The following TELO2 variants were observed in gnomAD, a reference collection of about 807,000 sequenced individuals.
The protein encoded by TELO2 is telomere maintenance 2.
A neutral mutation model predicts 91.0 loss-of-function variants in TELO2; 71 were observed. The observed-to-expected ratio is 0.78, with a 90% CI of 0.64 to 0.95. The LOEUF (loss-of-function observed/expected upper bound fraction) is 0.95. Among genes scored for constraint, TELO2 ranks in the 40% least tolerant of loss-of-function variants. The pLI is 0.00. For missense variants in TELO2, 1,183 were observed against 1,141.3 expected, an observed-to-expected ratio of 1.04 and a Z score of -0.53; for synonymous variants, 584 against 518.9, an observed-to-expected ratio of 1.13 and a Z score of -1.71.
At chr16:1,509,062 AT>A (rs1432094763) in intron 20 of TELO2, among the ~76,000 whole-genome samples, 5 of 138,100 alleles carry the variant, frequency 3.6e-5, no homozygotes, top group Admixed American at 7.1e-5. Flanking sequence ...GGAGCCACTG[AT>A]GGGGCTGGGT....
At position 1,509,885 on chromosome 16, in the gene TELO2, G is replaced by T. The variant is rs1183488026; in HGVS notation, c.2463G>T (p.Leu821=). The T allele has an allele frequency of 1.2e-6, 2 of 1,611,844 alleles. No homozygotes were observed. The highest frequency in any genetic ancestry group is 1.7e-6 in the Non-Finnish European group (2 of 1,179,486). Residue 821 remains leucine (L), a synonymous_variant, in exon 21 of 21, where the codon CTG becomes CTT. Coordinates refer to ENST00000262319, the MANE Select transcript of TELO2 (RefSeq NM_016111.4). Reference sequence around the variant, plus strand: ...GCAGGACGCTGGCACTGAGGGCCCTGCTGCTTCTGCAGAGACTCAAGAACA... The same window carrying T: ...GCAGGACGCTGGCACTGAGGGCCCTTCTGCTTCTGCAGAGACTCAAGAACA... ...EDCRTLALRA[L]LLLQRLKNRL...
At chr16:1,508,085 G>A (rs190511980) in intron 20 of TELO2, among the ~76,000 whole-genome samples, 1,881 of 142,188 alleles carry the variant, frequency 0.013, 44 homozygotes, top group African/African-American at 0.044. Flanking sequence ...CTGTGACCCC[G>A]CCCACCCGCC....
chr16:1,505,641 C>CG lies in TELO2; in HGVS notation c.2034+41dup. The CG allele has an allele frequency of 2.9e-5, 21 of 732,418 alleles. No individual in the cohort carries two copies. Among genetic ancestry groups the CG allele is most frequent in the East Asian group, 1.1e-4 (3 of 27,688 alleles). The allele number at this position is 732,418 out of a possible 1,614,324, so 45.4% of individuals were successfully genotyped here. On this transcript the variant is annotated intron_variant, in intron 16 of 20. Transcript: ENST00000262319. The surrounding 1 kb of genome is among the most constrained non-coding windows in gnomAD (Gnocchi z 4.3). ...GTCAGCTCCTCACGGGCATGGGGACCGTGGGTGGGTGGGAAGGGCGGTCAG... is the reference window on the plus strand; with the variant it reads ...GTCAGCTCCTCACGGGCATGGGGACCGGTGGGTGGGTGGGAAGGGCGGTCAG...
At chr16:1,499,651 G>C (rs1307455064) in intron 6 of TELO2, among the ~76,000 whole-genome samples, 1 of 152,096 alleles carries the variant, frequency 6.6e-6, no homozygotes, top group Non-Finnish European at 1.5e-5. Flanking sequence ...AGAGGAGGTC[G>C]TGCATTTCCG....
In TELO2 at chr16:1,507,378, G is replaced by GC; in HGVS notation, c.2291+10dup. On this transcript the variant is annotated intron_variant, in intron 19 of 20. Coordinates refer to ENST00000262319, the MANE Select transcript of TELO2 (RefSeq NM_016111.4). ...TCGCTTCCACATCGATGCGTGAGTG[G>GC]CCTGTGGGGCTGGGCCAGGCCAGGG... is the stretch of plus-strand genomic sequence containing the variant. The GC allele has an allele frequency of 6.2e-7, 1 of 1,610,044 alleles. No homozygotes were observed. The highest frequency in any genetic ancestry group is 1.1e-5 in the South Asian group (1 of 91,032).
intron 17 of TELO2, 36 bp downstream of exon 17, chr16:1,506,365 G>A (rs2039893205): frequency 1.2e-6 from 2 of 1,613,406 alleles, no homozygotes; most frequent in Middle Eastern, 1.7e-4. Context: ...GGACTTGGGG[G>A]ACAGGGACCC....
intron 9 of TELO2, among the ~76,000 whole-genome samples, 174 bp downstream of exon 9, chr16:1,500,873 C>T (rs2039654724): frequency 6.6e-6 from 1 of 152,234 alleles, no homozygotes; most frequent in Admixed American, 6.5e-5. Flanking sequence ...GCCCTGAGCT[C>T]CTGGGGCCAC....
Position 1,505,352 on chromosome 16 carries a change from CTT to C in TELO2, c.1843-57_1843-56del. 6.4e-7 allele frequency: 1 copy of C among 1,556,364 alleles called. No homozygotes were observed. Among genetic ancestry groups the C allele is most frequent in the Non-Finnish European group, 8.7e-7 (1 of 1,147,282 alleles). Reference sequence around the variant, plus strand: ...TTCTGGGGCTTTGGCTGACTTGACTCTTGGGAAATGTTCTTCCCTGGAGCAGT... The same window carrying C: ...TTCTGGGGCTTTGGCTGACTTGACTCGGGAAATGTTCTTCCCTGGAGCAGT... On this transcript the variant is annotated intron_variant, in intron 15 of 20. Transcript: ENST00000262319. This position sits in a 1 kb window ranked among gnomAD's most constrained non-coding sequence, Gnocchi z 4.3.
rs2039852937 is a variant in TELO2, at chr16:1,505,390, C to T, written c.1843-20C>T. On this transcript the variant is annotated intron_variant, in intron 15 of 20. Coordinates refer to ENST00000262319, the MANE Select transcript of TELO2 (RefSeq NM_016111.4). This position sits in a 1 kb window ranked among gnomAD's most constrained non-coding sequence, Gnocchi z 4.3. The stretch of plus-strand genomic sequence containing the variant: ...CTTCCCTGGAGCAGTGGCGACGGCC[C>T]TGGGCCTGTCTCCCTCCAGGTGCTG... 1 of 1,602,036 alleles carries T rather than the reference C, an allele frequency of 6.2e-7. No homozygotes were observed. Among genetic ancestry groups the T allele is most frequent in the Non-Finnish European group, 8.5e-7 (1 of 1,171,692 alleles).
chr16:1,509,554 C>T (rs995176935), intron 20 of TELO2, among the ~76,000 whole-genome samples: 8 of 152,372 alleles, frequency 5.3e-5, no homozygotes, highest in East Asian at 3.9e-4. Context: ...CTGGTGTTCC[C>T]GGGTTCCCCG....
chr16:1,495,331 C>T lies in TELO2; in HGVS notation c.336-15C>T, dbSNP rs1465320784. ...TGGGGGTTGGCGGCTCTGCCCAACA[C>T]GCCCGTATCTTCAGCCCCAGCTTCC... On this transcript the variant is annotated splice_polypyrimidine_tract_variant and intron_variant, in intron 2 of 20. Coordinates refer to ENST00000262319, the MANE Select transcript of TELO2 (RefSeq NM_016111.4). 14 of 1,530,264 alleles carry T rather than the reference C, an allele frequency of 9.1e-6. No homozygotes were observed. Among genetic ancestry groups the T allele is most frequent in the East Asian group, 7.4e-5 (3 of 40,578 alleles). The allele number at this position is 1,530,264 out of a possible 1,614,324, so 94.8% of individuals were successfully genotyped here. A position where few individuals can be genotyped will look rare whatever the true frequency, so the allele number is the denominator to read the frequency against.
intron 3 of TELO2, 36 bp from the exon 4 acceptor site, chr16:1,497,000 G>T (rs180929687): frequency 3.7e-6 from 6 of 1,607,730 alleles, no homozygotes; most frequent in Middle Eastern, 3.3e-4. Context: ...GTGCCTTCCC[G>T]CCGGCTTCCT....
chr16:1,507,519 T>C, intron 19 of TELO2, 82 bp from the exon 20 acceptor site: 2 of 1,481,132 alleles, frequency 1.4e-6, no homozygotes, highest in Non-Finnish European at 1.8e-6. Context: ...GGCCGCAGCG[T>C]GGGTGGTCTG....
chr16:1,495,987 C>T (rs1456945618), intron 3 of TELO2, among the ~76,000 whole-genome samples: 2 of 152,172 alleles, frequency 1.3e-5, no homozygotes, highest in African/African-American at 4.8e-5. Flanking sequence ...GCTGCAGGGC[C>T]CCGTGAGCGC....
intron 9 of TELO2, 50 bp downstream of exon 9, chr16:1,500,749 C>A (rs375269105): frequency 6.3e-7 from 1 of 1,591,592 alleles, no homozygotes; most frequent in Non-Finnish European, 8.5e-7. Context: ...CCGGGTCTCC[C>A]GAGCGGCTGC....
At chr16:1,499,457 G>C in intron 6 of TELO2, 124 bp downstream of exon 6, 1 of 1,076,320 alleles carries the variant, frequency 9.3e-7, no homozygotes, top group Non-Finnish European at 1.4e-6. Context: ...GCAGTGGCTG[G>C]CAGGAGTTGG....
rs771481862 is a variant in TELO2, at chr16:1,502,639, G to A, written c.1654-6G>A. 1.3e-5 allele frequency: 21 copies of A among 1,610,404 alleles called. No homozygotes were observed. The East Asian group carries it at 3.1e-4, about 24-fold the overall frequency. ...CAGGTTTCCCAGCCCTAACCCCTGC[G>A]TGCAGGTGAGCGTGGAGCTGGCCAA... On this transcript the variant is annotated splice_polypyrimidine_tract_variant and splice_region_variant and intron_variant, in intron 13 of 20. Transcript: ENST00000262319.
chr16:1,497,869 A>G lies in TELO2; in HGVS notation c.830+361A>G, dbSNP rs2039550285. Among the ~76,000 whole-genome samples, 1 of 152,268 alleles carries G rather than the reference A, an allele frequency of 6.6e-6. No homozygotes were observed. The highest frequency in any genetic ancestry group is 1.5e-5 in the Non-Finnish European group (1 of 68,018). On this transcript the variant is annotated intron_variant, in intron 5 of 20. Transcript: ENST00000262319. This position sits in a 1 kb window ranked among gnomAD's most constrained non-coding sequence, Gnocchi z 4.0. Reference sequence around the variant, plus strand: ...GACTCACTTCCCCACGTCTTTGTGCAGGAGAATCAAGGTTGCATTTCTGGA... The same window carrying G: ...GACTCACTTCCCCACGTCTTTGTGCGGGAGAATCAAGGTTGCATTTCTGGA...
chr16:1,500,227 CT>C, intron 7 of TELO2, 63 bp downstream of exon 7: 2 of 1,542,372 alleles, frequency 1.3e-6, no homozygotes, highest in Non-Finnish European at 8.7e-7. Context: ...CGGGGCTCAC[CT>C]TTTGGGCGGC....
Sources: gnomAD v4.1 joint callset for allele counts (sites outside exome capture counted in the v4.1 genomes callset) on GRCh38, gnomAD v4.1.1 for gene constraint, Gnocchi (gnomAD v3.1) non-coding constraint, MANE v1.5 for transcripts, NCBI Gene and HGNC (gene_info 2026-07-23, HGNC 2026-07-21) for gene names.